GPR89B: variants seen among roughly 807,000 people sequenced by gnomAD.
GPR89B encodes G protein-coupled receptor 89B.
GPR89B carries 25 observed loss-of-function variants against 52.4 expected under a neutral mutation model. The observed-to-expected ratio is 0.48, with a 90% CI of 0.35 to 0.67. The LOEUF (loss-of-function observed/expected upper bound fraction) is 0.67. GPR89B is among the 30% of genes least tolerant of loss of function. GPR89B has a pLI of 0.01. For missense variants in GPR89B, 146 were observed against 450.2 expected, an observed-to-expected ratio of 0.32 and a Z score of 6.11; for synonymous variants, 52 against 151.2, an observed-to-expected ratio of 0.34 and a Z score of 4.81.
At chr1:147,948,806 A>G (rs1655235341) in intron 5 of GPR89B, among the ~76,000 whole-genome samples, 2 of 146,602 alleles carry the variant, frequency 1.4e-5, no homozygotes, top group Admixed American at 1.4e-4. Flanking sequence ...TGTTTCTCAC[A>G]GAGGGGGATT....
At chr1:148,019,490 A>G in the GPR89B span, among the ~76,000 whole-genome samples, 2 of 151,908 alleles carry the variant, frequency 1.3e-5, no homozygotes, top group Admixed American at 6.5e-5. Context: ...TTAGTACCTG[A>G]GTGATGGGAA....
At chr1:147,968,275 C>T (rs1657177007) in intron 8 of GPR89B, 3 of 453,702 alleles carry the variant, frequency 6.6e-6, no homozygotes, top group South Asian at 1.6e-5. Context: ...GAGGATTTGA[C>T]TTTGCATCTC....
the GPR89B span, chr1:148,010,824 C>T: frequency 1.3e-5 from 2 of 152,244 alleles, no homozygotes; most frequent in East Asian, 3.8e-4. Context: ...TTGTATAGAG[C>T]CTGTTTCACA....
chr1:148,010,735 A>G, the GPR89B span: 1 of 152,322 alleles, frequency 6.6e-6, no homozygotes, highest in Non-Finnish European at 1.5e-5. Flanking sequence ...AAATTTCCAG[A>G]GGTTTTTGCC....
chr1:147,992,348 GTC>G (rs1659129302), intron 12 of GPR89B, among the ~76,000 whole-genome samples, 152 bp from the exon 13 acceptor site: 1 of 148,788 alleles, frequency 6.7e-6, no homozygotes, highest in East Asian at 2.0e-4. Flanking sequence ...TCTATTTTAA[GTC>G]TCTTCTTTAT....
At chr1:148,009,368 A>C in the GPR89B span, 1 of 1,612,056 alleles carries the variant, frequency 6.2e-7, no homozygotes, top group South Asian at 1.1e-5. Flanking sequence ...GAGAGAAGCC[A>C]TGGCTGCCTC....
At chr1:147,995,133 G>C (rs1411115764), downstream of GPR89B, among the ~76,000 whole-genome samples, 2 of 151,804 alleles carry the variant, frequency 1.3e-5, no homozygotes, top group Admixed American at 1.3e-4. Context: ...TGCTCACTAT[G>C]AGCCAGCCAC....
At chr1:147,994,860 A>C (rs1453039123), downstream of GPR89B, among the ~76,000 whole-genome samples, 9 of 152,042 alleles carry the variant, frequency 5.9e-5, no homozygotes, top group Non-Finnish European at 1.3e-4. Flanking sequence ...TATAATGGAA[A>C]GAAGAACAAC....
chr1:148,007,566 A>C, the GPR89B span, among the ~76,000 whole-genome samples: 1 of 147,416 alleles, frequency 6.8e-6, no homozygotes, highest in East Asian at 2.0e-4. Flanking sequence ...TGTACAATAC[A>C]TTGTTGTTAA....
At chr1:148,012,745 TGATCCGATGTAGTA>T in the GPR89B span, among the ~76,000 whole-genome samples, 1 of 151,976 alleles carries the variant, frequency 6.6e-6, no homozygotes, top group Non-Finnish European at 1.5e-5. Flanking sequence ...CCAGAGTCCT[TGATCCGATGTAGTA>T]AAGAGCTAGG....
intron 3 of GPR89B, among the ~76,000 whole-genome samples, chr1:147,940,424 A>C (rs1322596735): frequency 6.6e-6 from 1 of 151,728 alleles, no homozygotes; most frequent in Non-Finnish European, 1.5e-5. Flanking sequence ...TAAATAAAAA[A>C]TAATCCAAAC....
At chr1:148,025,078 A>G in the GPR89B span, among the ~76,000 whole-genome samples, 1 of 152,014 alleles carries the variant, frequency 6.6e-6, no homozygotes, top group South Asian at 2.1e-4. Context: ...CCCAGTTAAT[A>G]AAACTTGTAA....
At chr1:147,995,741 A>C (rs1659300978), downstream of GPR89B, 2 of 1,606,280 alleles carry the variant, frequency 1.2e-6, no homozygotes, top group Non-Finnish European at 1.7e-6. Flanking sequence ...CTTTCCACAG[A>C]CTAGAAGTGT....
At chr1:148,003,361 G>A in the GPR89B span, among the ~76,000 whole-genome samples, 9 of 151,878 alleles carry the variant, frequency 5.9e-5, no homozygotes, top group South Asian at 2.1e-4. Context: ...CAGGTCCAGC[G>A]GTGTGCTATA....
chr1:147,969,751 G>A (rs74941776), intron 9 of GPR89B, 116 bp from the exon 10 acceptor site: 59,646 of 1,469,434 alleles, frequency 0.041, 2,617 homozygotes, highest in African/African-American at 0.22. Flanking sequence ...TAATATTATT[G>A]CAATGTATGG....
chr1:147,981,791 TACAGGTGC>T (rs1165768037), intron 10 of GPR89B, among the ~76,000 whole-genome samples: 2 of 151,526 alleles, frequency 1.3e-5, no homozygotes, highest in African/African-American at 2.4e-5. Context: ...TAGCTGGGAT[TACAGGTGC>T]GTACCACCAT....
chr1:147,932,678 A>T (rs1271543552), intron 1 of GPR89B, among the ~76,000 whole-genome samples: 1 of 152,166 alleles, frequency 6.6e-6, no homozygotes, highest in Non-Finnish European at 1.5e-5. Context: ...CTGCATTTTA[A>T]TCTAAAAGGT....
chr1:147,952,089 G>A (rs1655758406), intron 5 of GPR89B, among the ~76,000 whole-genome samples: 1 of 152,054 alleles, frequency 6.6e-6, no homozygotes, highest in Non-Finnish European at 1.5e-5. Flanking sequence ...AAAGGAGAAG[G>A]ACAAAGGTAG....
chr1:147,929,506 C>T (rs1388521748), intron 1 of GPR89B, among the ~76,000 whole-genome samples: 1 of 152,190 alleles, frequency 6.6e-6, no homozygotes, highest in Non-Finnish European at 1.5e-5. Context: ...CTCAGACTGC[C>T]TGTTGACCTT....
Sources: allele counts gnomAD v4.1 joint callset (sites outside exome capture counted in the v4.1 genomes callset), GRCh38; gene constraint gnomAD v4.1.1; transcripts MANE v1.5; gene names NCBI Gene and HGNC (gene_info 2026-07-23, HGNC 2026-07-21).